Variants in CNBD1 observed in about 807,000 individuals in gnomAD.
The protein encoded by CNBD1 is cyclic nucleotide binding domain containing 1.
In CNBD1, 71 loss-of-function variants were observed where a neutral mutation model predicts 54.4. The ratio of observed to expected loss-of-function variants is 1.30; its 90% CI spans 1.08 to 1.59. The LOEUF (loss-of-function observed/expected upper bound fraction) is 1.59. Ranked by LOEUF, CNBD1 falls within the 40% of genes most tolerant of loss-of-function variation. The probability of loss-of-function intolerance (pLI) is 0.00; values close to 1 mark genes in which losing one functional copy is unlikely to be tolerated. For missense variants in CNBD1, 659 were observed against 518.0 expected (o/e 1.27, Z -2.64); for synonymous variants, 182 against 170.7 (o/e 1.07, Z -0.51).
intron 4 of CNBD1, among the ~76,000 whole-genome samples, chr8:87,069,210 C>T (rs1380617426): frequency 6.6e-6 from 1 of 151,744 alleles, no homozygotes; most frequent in Non-Finnish European, 1.5e-5. Flanking sequence ...TTATTGTTAC[C>T]CTGGCTGCCT....
intron 8 of CNBD1, among the ~76,000 whole-genome samples, chr8:87,319,141 G>A (rs866588202): frequency 6.6e-6 from 1 of 152,114 alleles, no homozygotes; most frequent in African/African-American, 2.4e-5. Flanking sequence ...GAGAGCACAT[G>A]AAGGATATTG....
At chr8:87,306,682 G>A (rs774358310) in intron 8 of CNBD1, among the ~76,000 whole-genome samples, 1 of 152,028 alleles carries the variant, frequency 6.6e-6, no homozygotes, top group African/African-American at 2.4e-5. Flanking sequence ...AACATCATAT[G>A]TTCTCACCGA....
chr8:87,277,918 A>G (rs751764616), intron 6 of CNBD1, among the ~76,000 whole-genome samples: 1 of 151,724 alleles, frequency 6.6e-6, no homozygotes, highest in Non-Finnish European at 1.5e-5. Context: ...TAATTTAGAT[A>G]TTGGAGTTAT....
chr8:87,192,008 T>C lies in CNBD1; in HGVS notation c.432-13985T>C, dbSNP rs114169803. Among the ~76,000 whole-genome samples, 1,201 of 152,248 alleles carry C rather than the reference T, an allele frequency of 7.9e-3. 28 individuals are homozygous for C. The highest frequency in any genetic ancestry group is 0.023 in the African/African-American group (939 of 41,538). ...TAATTGGTTGTGAATCTAAAGGAAA[T>C]ATTTCTATGTTATTGAGAATAATTT... On this transcript the variant is annotated intron_variant, in intron 4 of 10. Coordinates refer to ENST00000518476, the MANE Select transcript of CNBD1 (RefSeq NM_173538.3).
At chr8:87,345,991 T>G (rs985698987) in intron 8 of CNBD1, among the ~76,000 whole-genome samples, 1 of 152,208 alleles carries the variant, frequency 6.6e-6, no homozygotes, top group African/African-American at 2.4e-5. Context: ...TACAGTTTCA[T>G]GGCCCTGATT....
At chr8:87,145,224 T>A in intron 4 of CNBD1, among the ~76,000 whole-genome samples, 1 of 152,016 alleles carries the variant, frequency 6.6e-6, no homozygotes, top group South Asian at 2.1e-4. Context: ...TACAACAGAA[T>A]GACAAATAGA....
chr8:87,324,594 G>C (rs1319926336), intron 8 of CNBD1, among the ~76,000 whole-genome samples: 1 of 147,902 alleles, frequency 6.8e-6, no homozygotes, highest in East Asian at 1.9e-4. Context: ...TTTGCGTAGA[G>C]GTGTTTGTAG....
intron 3 of CNBD1, among the ~76,000 whole-genome samples, chr8:86,923,337 C>T (rs765060988): frequency 1.3e-5 from 2 of 152,190 alleles, no homozygotes; most frequent in Non-Finnish European, 2.9e-5. Context: ...CCCCGCTTGG[C>T]CCACAGCCAT....
At chr8:87,335,703 C>T (rs1055808902) in intron 8 of CNBD1, among the ~76,000 whole-genome samples, 2 of 152,116 alleles carry the variant, frequency 1.3e-5, no homozygotes, top group African/African-American at 4.8e-5. Flanking sequence ...AGCTTATTTA[C>T]ATTTAAGGTT....
At chr8:87,370,163 T>C (rs557932192) in intron 10 of CNBD1, among the ~76,000 whole-genome samples, 35 of 151,970 alleles carry the variant, frequency 2.3e-4, no homozygotes, top group African/African-American at 7.7e-4. Context: ...GTCTTTGCTA[T>C]TGTGAATAGT....
intron 1 of CNBD1, among the ~76,000 whole-genome samples, chr8:86,869,075 C>T (rs1808404739): frequency 6.6e-6 from 1 of 152,188 alleles, no homozygotes; most frequent in Admixed American, 6.5e-5. Context: ...GGATTCTCCC[C>T]TAGCGTCTCC....
At chr8:87,192,911 C>T (rs1482885495) in intron 4 of CNBD1, among the ~76,000 whole-genome samples, 2 of 152,078 alleles carry the variant, frequency 1.3e-5, no homozygotes, top group Non-Finnish European at 2.9e-5. Flanking sequence ...ATACAACTGC[C>T]CTTGCCCAAT....
intron 4 of CNBD1, among the ~76,000 whole-genome samples, chr8:86,943,365 C>CAAAAAA (rs1158061860): frequency 6.8e-3 from 220 of 32,342 alleles, no homozygotes; most frequent in East Asian, 0.01. Context: ...GACTCCATCT[C>CAAAAAA]AAAAAAAAAA....
intron 4 of CNBD1, among the ~76,000 whole-genome samples, chr8:86,983,029 G>A (rs1032090579): frequency 5.9e-5 from 9 of 152,166 alleles, no homozygotes; most frequent in African/African-American, 1.9e-4. Context: ...CACATGTTCA[G>A]GTTTGTTACA....
chr8:87,409,815 G>C (rs1382253298), intron 2 of CNBD1, among the ~76,000 whole-genome samples: 1 of 152,100 alleles, frequency 6.6e-6, no homozygotes, highest in Admixed American at 6.5e-5. Flanking sequence ...CAGATCTCAG[G>C]AATTCCAGAC....
At chr8:87,357,881 G>T (rs759515262) in intron 10 of CNBD1, among the ~76,000 whole-genome samples, 3 of 152,158 alleles carry the variant, frequency 2.0e-5, no homozygotes, top group Non-Finnish European at 2.9e-5. Context: ...AGGGGTGTTT[G>T]TGTTATTGAG....
intron 5 of CNBD1, among the ~76,000 whole-genome samples, chr8:87,208,580 T>C (rs1366252070): frequency 1.3e-5 from 2 of 152,028 alleles, no homozygotes; most frequent in African/African-American, 4.8e-5. Context: ...ATTTTTATGA[T>C]TGATAACCTA....
intron 4 of CNBD1, among the ~76,000 whole-genome samples, chr8:87,099,950 C>G (rs1811395842): frequency 1.3e-5 from 2 of 152,040 alleles, no homozygotes; most frequent in South Asian, 4.2e-4. Flanking sequence ...GTGGCAAACC[C>G]TATTTGTGGC....
At chr8:87,335,430 G>T (rs1809923987) in intron 8 of CNBD1, among the ~76,000 whole-genome samples, 1 of 152,118 alleles carries the variant, frequency 6.6e-6, no homozygotes, top group Non-Finnish European at 1.5e-5. Context: ...AACTCTTCTT[G>T]TTGAATTGAT....
Sources: allele counts gnomAD v4.1 joint callset (sites outside exome capture counted in the v4.1 genomes callset), GRCh38; gene constraint gnomAD v4.1.1; transcripts MANE v1.5; gene names NCBI Gene and HGNC (gene_info 2026-07-23, HGNC 2026-07-21).